Variants in HRH1 observed in about 807,000 individuals in gnomAD.
HRH1 encodes histamine H1 receptor.
In HRH1, 6 loss-of-function variants were observed where a neutral mutation model predicts 10.3. That is an observed-to-expected ratio of 0.58 (90% CI 0.32 to 1.15). The LOEUF (loss-of-function observed/expected upper bound fraction) is 1.15, where lower values mean the gene tolerates loss of function less well. Ranked by LOEUF, HRH1 falls within the 50% of genes most tolerant of loss-of-function variation. The pLI is 0.05. For missense variants in HRH1, 514 were observed against 615.3 expected (o/e 0.84, Z 1.74); for synonymous variants, 242 against 236.7 (o/e 1.02, Z -0.21).
chr3:11,182,798 T>TACTC (rs985242460), intron 1 of HRH1, among the ~76,000 whole-genome samples: 3 of 152,144 alleles, frequency 2.0e-5, no homozygotes, highest in Non-Finnish European at 4.4e-5. Flanking sequence ...TAGAAACTGA[T>TACTC]ACTCAGAGAG....
chr3:11,204,838 A>T (rs1271554617), intron 1 of HRH1, among the ~76,000 whole-genome samples: 2 of 152,208 alleles, frequency 1.3e-5, no homozygotes, highest in Non-Finnish European at 2.9e-5. Flanking sequence ...TCCTCAGTTC[A>T]GGAGCCTGGA....
At chr3:11,207,500 C>G (rs1420503314) in intron 1 of HRH1, among the ~76,000 whole-genome samples, 2 of 151,874 alleles carry the variant, frequency 1.3e-5, no homozygotes, top group African/African-American at 2.4e-5. Flanking sequence ...ACCTGGGAGG[C>G]GGAGCTTGCA....
intron 1 of HRH1, among the ~76,000 whole-genome samples, chr3:11,217,623 C>A (rs1467782810): frequency 6.6e-6 from 1 of 152,084 alleles, no homozygotes; most frequent in African/African-American, 2.4e-5. Flanking sequence ...TTCAGTTTTA[C>A]AAGATAAAGA....
chr3:11,177,712 T>A (rs1356545999), intron 1 of HRH1, among the ~76,000 whole-genome samples: 1 of 152,220 alleles, frequency 6.6e-6, no homozygotes, highest in Non-Finnish European at 1.5e-5. Flanking sequence ...GCTGGCCTAG[T>A]ACATCCCAGG....
chr3:11,210,447 T>C, intron 1 of HRH1, among the ~76,000 whole-genome samples: 1 of 152,010 alleles, frequency 6.6e-6, no homozygotes. Context: ...AAAACTACTC[T>C]GAGGATAAAA....
chr3:11,168,311 T>C (rs1937087190), intron 1 of HRH1, among the ~76,000 whole-genome samples: 1 of 152,072 alleles, frequency 6.6e-6, no homozygotes, highest in African/African-American at 2.4e-5. Flanking sequence ...CTAGGAGGAC[T>C]CGGCTCTTGT....
upstream of HRH1, among the ~76,000 whole-genome samples, chr3:11,154,275 G>C (rs1460779185): frequency 6.6e-6 from 1 of 152,038 alleles, no homozygotes; most frequent in Admixed American, 6.5e-5. This position sits in a 1 kb window ranked among gnomAD's most constrained non-coding sequence, Gnocchi z 4.4. Context: ...TGGGGCGCGA[G>C]CTGGGAGAGG....
At chr3:11,181,880 C>T (rs1238300415) in intron 1 of HRH1, among the ~76,000 whole-genome samples, 1 of 152,172 alleles carries the variant, frequency 6.6e-6, no homozygotes, top group Non-Finnish European at 1.5e-5. Flanking sequence ...ATCCTCCCGC[C>T]TTGGCTTCCC....
chr3:11,178,613 C>G (rs532773320), intron 1 of HRH1, among the ~76,000 whole-genome samples: 7 of 152,186 alleles, frequency 4.6e-5, no homozygotes, highest in South Asian at 2.1e-4. Context: ...CACCCCACCC[C>G]CTGCGGCCTT....
chr3:11,157,442 C>T (rs139366841), intron 1 of HRH1, among the ~76,000 whole-genome samples: 2 of 152,216 alleles, frequency 1.3e-5, no homozygotes. Context: ...ATTCAAGCCC[C>T]AGTCACCTGC....
rs138042019 is a variant in HRH1, at chr3:11,183,232, C to T, written c.-36+28678C>T. 1.8e-3 allele frequency among the ~76,000 whole-genome samples: 278 copies of T among 152,274 alleles called. 1 individual carries two copies. The highest frequency in any genetic ancestry group is 6.4e-3 in the African/African-American group (267 of 41,562). On this transcript the variant is annotated intron_variant, in intron 1 of 1. Transcript: ENST00000431010. Reference sequence around the variant, plus strand: ...CCTAGACAGTGCTGAGTTTGGGGGACAAGGATTCCTTGGGGCTGTCCTGTA... The same window carrying T: ...CCTAGACAGTGCTGAGTTTGGGGGATAAGGATTCCTTGGGGCTGTCCTGTA...
intron 1 of HRH1, among the ~76,000 whole-genome samples, chr3:11,220,096 T>C (rs1938656352): frequency 6.6e-6 from 1 of 152,116 alleles, no homozygotes; most frequent in African/African-American, 2.4e-5. Context: ...ACTTAAGCTC[T>C]CTAAGACTCA....
At chr3:11,192,924 C>CT (rs1559265609) in intron 1 of HRH1, among the ~76,000 whole-genome samples, 1 of 152,168 alleles carries the variant, frequency 6.6e-6, no homozygotes, top group African/African-American at 2.4e-5. Context: ...GGGCTAATCT[C>CT]TTATTAACGT....
intron 1 of HRH1, among the ~76,000 whole-genome samples, chr3:11,254,052 A>G (rs1383052348): frequency 1.3e-5 from 2 of 152,096 alleles, no homozygotes; most frequent in African/African-American, 2.4e-5. Context: ...TATCCTTCCA[A>G]TATTCTAACG....
intron 1 of HRH1, among the ~76,000 whole-genome samples, chr3:11,204,683 C>G (rs1938052634): frequency 6.6e-6 from 1 of 152,228 alleles, no homozygotes; most frequent in Non-Finnish European, 1.5e-5. Flanking sequence ...ACGCGATCAC[C>G]TTTGATCCCT....
intron 1 of HRH1, among the ~76,000 whole-genome samples, chr3:11,240,891 C>G (rs560453664): frequency 4.6e-5 from 7 of 152,254 alleles, no homozygotes; most frequent in African/African-American, 1.7e-4. Context: ...ACTAGAATAA[C>G]CAGCCTACAA....
intron 1 of HRH1, among the ~76,000 whole-genome samples, chr3:11,158,681 T>A (rs1936866942): frequency 6.6e-6 from 1 of 152,230 alleles, no homozygotes; most frequent in African/African-American, 2.4e-5. Context: ...ATTTGATAAT[T>A]TGTATGCTAT....
At chr3:11,190,499 T>C (rs1205091681) in intron 1 of HRH1, among the ~76,000 whole-genome samples, 2 of 152,028 alleles carry the variant, frequency 1.3e-5, no homozygotes, top group African/African-American at 4.8e-5. Context: ...CAAGCAATTC[T>C]CTTGCCTCAG....
chr3:11,146,691 A>C (rs1250484665), intron 1 of HRH1, among the ~76,000 whole-genome samples: 2 of 152,152 alleles, frequency 1.3e-5, no homozygotes, highest in Non-Finnish European at 2.9e-5. Flanking sequence ...AGTCTGAAAA[A>C]ATTAAATGTA....
Sources: gnomAD v4.1 joint callset for allele counts (sites outside exome capture counted in the v4.1 genomes callset) on GRCh38, gnomAD v4.1.1 for gene constraint, Gnocchi (gnomAD v3.1) non-coding constraint, MANE v1.5 for transcripts, NCBI Gene and HGNC (gene_info 2026-07-23, HGNC 2026-07-21) for gene names.